Variants in MYCBP2 observed in about 807,000 individuals in gnomAD.
MYCBP2 encodes E3 ubiquitin-protein ligase MYCBP2.
Under a neutral mutation model 525.3 loss-of-function variants are expected in MYCBP2, and 120 were observed. The ratio of observed to expected loss-of-function variants is 0.23; its 90% confidence interval spans 0.20 to 0.27. The LOEUF (loss-of-function observed/expected upper bound fraction) is 0.27. Among genes scored for constraint, MYCBP2 ranks in the 10% least tolerant of loss-of-function variants. The pLI is 1.00. For missense variants in MYCBP2, 4,149 were observed against 5,657.1 expected (o/e 0.73, Z 8.55); for synonymous variants, 1,894 against 1,955.8 (o/e 0.97, Z 0.83).
intron 2 of MYCBP2, among the ~76,000 whole-genome samples, chr13:77,295,123 T>C (rs768044471): frequency 1.3e-5 from 2 of 151,784 alleles, no homozygotes; most frequent in African/African-American, 2.4e-5. Flanking sequence ...AAAATATGGG[T>C]TTGATTATTT....
At chr13:77,082,939 A>AT in intron 63 of MYCBP2, 93 bp downstream of exon 63, 1 of 1,286,078 alleles carries the variant, frequency 7.8e-7, no homozygotes, top group South Asian at 1.6e-5. Flanking sequence ...CTATCTTACT[A>AT]TTTAAAGAGC....
rs1593875492 is a variant in MYCBP2, at chr13:77,205,718, T to C, written c.3590-120A>G. 11 of 786,648 alleles carry C rather than the reference T, an allele frequency of 1.4e-5. No homozygotes were observed. In the East Asian group the frequency reaches 3.2e-4, roughly 23 times the overall value. The allele number at this position is 786,648 out of a possible 1,614,324, so 48.7% of individuals were successfully genotyped here. A position where few individuals can be genotyped will look rare whatever the true frequency, so the allele number is the denominator to read the frequency against. Reference sequence around the variant, plus strand: ...ATAAACTCAGAATGTTACTCCAAGCTTTAAACATCATTTCATGGAAGAATG... The same window carrying C: ...ATAAACTCAGAATGTTACTCCAAGCCTTAAACATCATTTCATGGAAGAATG... On this transcript the variant is annotated intron_variant, in intron 24 of 82. Transcript: ENST00000544440.
At position 77,185,387 on chromosome 13, in the gene MYCBP2, G is replaced by T. The variant is rs994505390; in HGVS notation, c.4445-10C>A. On this transcript the variant is annotated splice_polypyrimidine_tract_variant and intron_variant, in intron 31 of 82. Transcript: ENST00000544440. ...ACTGCTTTTCCTGTAGCTTTGAGGG[G>T]GAAAAAGCAGATTGGTAATTAAGCA... 6.3e-7 allele frequency: 1 copy of T among 1,596,254 alleles called. No individual in the cohort carries two copies. Among genetic ancestry groups the T allele is most frequent in the Admixed American group, 1.7e-5 (1 of 57,536 alleles).
chr13:77,097,451 GTCC>G lies in MYCBP2; in HGVS notation c.9700_9702del (p.Gly3234del). 2.5e-6 allele frequency: 4 copies of G among 1,613,424 alleles called. No individual in the cohort carries two copies. The highest frequency in any genetic ancestry group is 3.4e-6 in the Non-Finnish European group (4 of 1,179,706). ...AGTTCACAGATGGTATCTTTCTCTGGTCCTCCTACTGCCAGCTGGGCCATCTCT... is the reference window on the plus strand; with the variant it reads ...AGTTCACAGATGGTATCTTTCTCTGGTCCTACTGCCAGCTGGGCCATCTCT... On this transcript the variant is annotated inframe_deletion, in exon 56 of 83. Transcript: ENST00000544440.
At position 77,273,354 on chromosome 13, in the gene MYCBP2, T is replaced by A. The variant is rs916317489; in HGVS notation, c.945+118A>T. 4.0e-6 allele frequency: 3 copies of A among 741,996 alleles called. No individual in the cohort carries two copies. In the Admixed American group the frequency reaches 1.0e-4, roughly 25 times the overall value. 46.0% of individuals were successfully genotyped at this position (741,996 alleles called of 1,614,324 possible). Reference sequence around the variant, plus strand: ...CTGTAGATTATTTATGTATCAATCTTGGACAGATTAAGCTACTGTAATGAG... The same window carrying A: ...CTGTAGATTATTTATGTATCAATCTAGGACAGATTAAGCTACTGTAATGAG... On this transcript the variant is annotated intron_variant, in intron 5 of 82. Transcript: ENST00000544440.
At chr13:77,175,825 C>T (rs1295314200) in intron 36 of MYCBP2, among the ~76,000 whole-genome samples, 1 of 151,768 alleles carries the variant, frequency 6.6e-6, no homozygotes, top group Non-Finnish European at 1.5e-5. Flanking sequence ...GGCATAGTGG[C>T]ACGTGGCTGT....
At chr13:77,128,074 C>T (rs568569269) in intron 52 of MYCBP2, among the ~76,000 whole-genome samples, 15 of 151,778 alleles carry the variant, frequency 9.9e-5, no homozygotes, top group African/African-American at 1.4e-4. Flanking sequence ...ATGTAAAATA[C>T]GCATTTTATA....
At chr13:77,123,417 C>G (rs2051099519) in intron 54 of MYCBP2, among the ~76,000 whole-genome samples, 1 of 152,154 alleles carries the variant, frequency 6.6e-6, no homozygotes. Flanking sequence ...AAAGAAGCTT[C>G]TATCTTCTAA....
intron 4 of MYCBP2, among the ~76,000 whole-genome samples, chr13:77,277,532 A>T (rs140921504): frequency 6.0e-4 from 92 of 152,300 alleles, no homozygotes; most frequent in Non-Finnish European, 1.2e-3. Flanking sequence ...AAAAAGAAAA[A>T]TCTGACATGT....
chr13:77,294,131 C>CATATATATATATATATATAT, intron 2 of MYCBP2, among the ~76,000 whole-genome samples: 4 of 65,710 alleles, frequency 6.1e-5, no homozygotes, highest in African/African-American at 1.1e-4. Flanking sequence ...TATATATATA[C>CATATATATATATATATATAT]ATATATATAT....
chr13:77,095,253 C>T (rs1353955724), intron 58 of MYCBP2, 105 bp downstream of exon 58: 3 of 1,382,358 alleles, frequency 2.2e-6, no homozygotes, highest in Non-Finnish European at 3.0e-6. Context: ...TTATAGTACA[C>T]AATAGCTAAT....
chr13:77,217,570 T>C (rs999950710), intron 21 of MYCBP2, among the ~76,000 whole-genome samples: 18 of 152,186 alleles, frequency 1.2e-4, no homozygotes, highest in African/African-American at 2.4e-4. Context: ...TATTGAATGC[T>C]TAAAAGACTT....
intron 5 of MYCBP2, among the ~76,000 whole-genome samples, chr13:77,271,918 G>A (rs929405093): frequency 2.0e-5 from 3 of 152,184 alleles, no homozygotes; most frequent in African/African-American, 7.2e-5. Flanking sequence ...GTAGATAAAA[G>A]GCCAAATCAT....
At chr13:77,200,294 G>A (rs1021792814) in intron 26 of MYCBP2, among the ~76,000 whole-genome samples, 8 of 152,154 alleles carry the variant, frequency 5.3e-5, no homozygotes, top group Non-Finnish European at 7.3e-5. Flanking sequence ...GGGTATCAGC[G>A]ATGGAAGATG....
chr13:77,170,871 G>A (rs539892072), intron 38 of MYCBP2, among the ~76,000 whole-genome samples: 10 of 152,124 alleles, frequency 6.6e-5, no homozygotes, highest in South Asian at 4.2e-4. Flanking sequence ...CACCATGTCC[G>A]GCCATAACCA....
At chr13:77,047,494 T>C (rs979221490) in intron 82 of MYCBP2, among the ~76,000 whole-genome samples, 10 of 152,124 alleles carry the variant, frequency 6.6e-5, no homozygotes, top group African/African-American at 2.4e-4. Flanking sequence ...GACGTGTTAA[T>C]GAAAGGAGTT....
chr13:77,183,585 T>C (rs7325942), intron 32 of MYCBP2, among the ~76,000 whole-genome samples: 92,857 of 126,576 alleles, frequency 0.73, 34,972 homozygotes, highest in Middle Eastern at 0.84. Context: ...TGGAGTATCA[T>C]TCTGTCACCA....
At chr13:77,187,741 T>C (rs1330903847) in intron 30 of MYCBP2, among the ~76,000 whole-genome samples, 1 of 152,094 alleles carries the variant, frequency 6.6e-6, no homozygotes, top group Non-Finnish European at 1.5e-5. Context: ...ATAAGTTTTT[T>C]TGCATATAAA....
At chr13:77,144,622 C>A (rs202233238) in intron 48 of MYCBP2, 62 bp from the exon 49 acceptor site, 1 of 1,064,160 alleles carries the variant, frequency 9.4e-7, no homozygotes, top group African/African-American at 1.6e-5. Context: ...AACATCATTA[C>A]GATAGTTCAG....
Sources: gnomAD v4.1 joint callset for allele counts (sites outside exome capture counted in the v4.1 genomes callset) on GRCh38, gnomAD v4.1.1 for gene constraint, MANE v1.5 for transcripts, NCBI Gene and HGNC (gene_info 2026-07-23, HGNC 2026-07-21) for gene names.